The following DTNB variants were observed in gnomAD, a reference collection of about 807,000 sequenced individuals.
DTNB encodes DTN-B.
Under a neutral mutation model 90.7 loss-of-function variants are expected in DTNB, and 63 were observed. That is an observed-to-expected ratio of 0.69 (90% CI 0.57 to 0.86). The LOEUF (loss-of-function observed/expected upper bound fraction) is 0.86, where lower values mean the gene tolerates loss of function less well. Among genes scored for constraint, DTNB ranks in the 40% least tolerant of loss-of-function variants. The probability of loss-of-function intolerance (pLI) is 0.00; values close to 1 mark genes in which losing one functional copy is unlikely to be tolerated. For synonymous variants in DTNB, 277 were observed against 286.7 expected (o/e 0.97, Z 0.34); for missense variants, 744 against 807.1 (o/e 0.92, Z 0.95).
intron 8 of DTNB, chr2:25,558,333 G>A: frequency 1.0e-6 from 1 of 985,276 alleles, no homozygotes; most frequent in South Asian, 4.7e-5. Flanking sequence ...CACACTACTG[G>A]GTCACAGAGA....
intron 2 of DTNB, among the ~76,000 whole-genome samples, chr2:25,642,691 C>T (rs1201478516): frequency 6.6e-6 from 1 of 152,114 alleles, no homozygotes; most frequent in Non-Finnish European, 1.5e-5. Context: ...AGATTATAGG[C>T]ATGAGCCACC....
intron 8 of DTNB, among the ~76,000 whole-genome samples, chr2:25,567,971 C>T (rs1001526057): frequency 2.6e-5 from 4 of 152,048 alleles, no homozygotes; most frequent in African/African-American, 2.4e-5. Flanking sequence ...CCATCCTGGC[C>T]AACATGGTGA....
At chr2:25,660,999 T>A (rs929158170) in intron 1 of DTNB, among the ~76,000 whole-genome samples, 3 of 152,246 alleles carry the variant, frequency 2.0e-5, no homozygotes, top group Non-Finnish European at 4.4e-5. Context: ...AGCATGGGTA[T>A]ATGATATCAT....
intron 10 of DTNB, among the ~76,000 whole-genome samples, chr2:25,474,913 C>T (rs1263511139): frequency 1.3e-5 from 2 of 152,130 alleles, no homozygotes; most frequent in Non-Finnish European, 2.9e-5. Flanking sequence ...TTTTGGAGTG[C>T]CACAAACCAT....
chr2:25,474,970 G>A (rs951680159), intron 10 of DTNB, among the ~76,000 whole-genome samples: 1 of 152,098 alleles, frequency 6.6e-6, no homozygotes, highest in African/African-American at 2.4e-5. Flanking sequence ...TGTTCTGACC[G>A]TTTCACTGAC....
intron 6 of DTNB, among the ~76,000 whole-genome samples, chr2:25,592,972 G>A (rs559564424): frequency 1.1e-4 from 16 of 152,014 alleles, no homozygotes; most frequent in Non-Finnish European, 1.8e-4. Context: ...AAAATAGATC[G>A]GTTTCATCAA....
chr2:25,483,236 C>A lies in DTNB; in HGVS notation c.1002-363G>T, dbSNP rs115060110. ...TGGCTTTTGCTTTGTAGTTTTAGTA[C>A]ATAAGAATTTAAATTCTGCCCCTTA... On this transcript the variant is annotated intron_variant, in intron 9 of 20. Coordinates refer to ENST00000406818, the MANE Select transcript of DTNB (RefSeq NM_021907.5). Among the ~76,000 whole-genome samples the A allele has an allele frequency of 4.9e-3, 747 of 152,296 alleles. 7 individuals are homozygous for A. The highest frequency in any genetic ancestry group is 0.017 in the African/African-American group (714 of 41,540).
intron 16 of DTNB, among the ~76,000 whole-genome samples, chr2:25,413,609 G>A (rs2149745877): frequency 6.6e-6 from 1 of 152,116 alleles, no homozygotes; most frequent in East Asian, 1.9e-4. Flanking sequence ...CCTTTTTTAT[G>A]GCTGCATAGT....
chr2:25,643,140 C>A (rs1488735034), intron 2 of DTNB, among the ~76,000 whole-genome samples: 1 of 152,148 alleles, frequency 6.6e-6, no homozygotes, highest in Non-Finnish European at 1.5e-5. Flanking sequence ...CAGGCACACT[C>A]TTCAAATTTC....
At chr2:25,615,341 T>A (rs886897356) in intron 4 of DTNB, among the ~76,000 whole-genome samples, 1 of 152,122 alleles carries the variant, frequency 6.6e-6, no homozygotes, top group African/African-American at 2.4e-5. Context: ...GGTGACTGAT[T>A]ATATCTTTGG....
chr2:25,539,815 C>G (rs1295367305), intron 8 of DTNB, among the ~76,000 whole-genome samples: 1 of 152,142 alleles, frequency 6.6e-6, no homozygotes. Flanking sequence ...AGGTATACTT[C>G]CAAATTACCG....
chr2:25,440,835 C>T (rs1015996056), intron 12 of DTNB, among the ~76,000 whole-genome samples: 6 of 152,128 alleles, frequency 3.9e-5, no homozygotes, highest in Admixed American at 2.6e-4. Flanking sequence ...TTCTTGAAAA[C>T]AATCACCCCT....
At chr2:25,451,956 C>T (rs2059355679) in intron 11 of DTNB, among the ~76,000 whole-genome samples, 1 of 152,200 alleles carries the variant, frequency 6.6e-6, no homozygotes, top group Admixed American at 6.5e-5. Context: ...ATGTTTAAAA[C>T]TGATGACTTT....
At chr2:25,416,319 G>C (rs1234611057) in intron 16 of DTNB, among the ~76,000 whole-genome samples, 1 of 152,208 alleles carries the variant, frequency 6.6e-6, no homozygotes, top group African/African-American at 2.4e-5. Context: ...TACAGAGCCA[G>C]TTTTGGGAAG....
rs966958189 is a variant in DTNB at position 25,387,105 on chromosome 2, G to A, written c.1825+184C>T. Reference sequence around the variant, plus strand: ...CCTGAATGTGAAACCGCCCCTACGCGATCCTGTGTGACAGAGGCTCTCTGG... The same window carrying A: ...CCTGAATGTGAAACCGCCCCTACGCAATCCTGTGTGACAGAGGCTCTCTGG... On this transcript the variant is annotated intron_variant, in intron 18 of 20. Coordinates refer to ENST00000406818, the MANE Select transcript of DTNB (RefSeq NM_021907.5). This position sits in a 1 kb window ranked among gnomAD's most constrained non-coding sequence, Gnocchi z 4.5. The A allele has an allele frequency of 8.9e-6, 5 of 559,582 alleles. No homozygotes were observed. The highest frequency in any genetic ancestry group is 9.6e-6 in the Non-Finnish European group (3 of 312,856). 34.7% of individuals were successfully genotyped at this position (559,582 alleles called of 1,614,324 possible). A position where few individuals can be genotyped will look rare whatever the true frequency, so the allele number is the denominator to read the frequency against.
At chr2:25,577,205 T>C (rs1572846849) in intron 7 of DTNB, among the ~76,000 whole-genome samples, 1 of 151,952 alleles carries the variant, frequency 6.6e-6, no homozygotes, top group Non-Finnish European at 1.5e-5. Context: ...GAGGCTGAGG[T>C]GGGCAGATCA....
chr2:25,573,856 C>A (rs997502331), intron 8 of DTNB, among the ~76,000 whole-genome samples: 2 of 152,168 alleles, frequency 1.3e-5, no homozygotes, highest in Admixed American at 1.3e-4. Flanking sequence ...AGTGACTTAA[C>A]GCAAAGTTCT....
intron 19 of DTNB, 187 bp downstream of exon 19, chr2:25,383,649 C>T (rs112148438): frequency 0.017 from 21,149 of 1,276,982 alleles, 242 homozygotes; most frequent in Middle Eastern, 0.058. Context: ...TCTTGGTGAT[C>T]GACTGACCTT....
chr2:25,624,224 A>G (rs1317528321), intron 4 of DTNB, among the ~76,000 whole-genome samples: 1 of 152,132 alleles, frequency 6.6e-6, no homozygotes, highest in Non-Finnish European at 1.5e-5. Context: ...GATCAAACCA[A>G]TGTAAATCTT....
Sources: gnomAD v4.1 joint callset for allele counts (sites outside exome capture counted in the v4.1 genomes callset) on GRCh38, gnomAD v4.1.1 for gene constraint, Gnocchi (gnomAD v3.1) non-coding constraint, MANE v1.5 for transcripts, NCBI Gene and HGNC (gene_info 2026-07-23, HGNC 2026-07-21) for gene names.